Variants in KLF12 observed in about 807,000 individuals in gnomAD.
The protein encoded by KLF12 is KLF transcription factor 12.
Under a neutral mutation model 37.8 loss-of-function variants are expected in KLF12, and 9 were observed. That is an observed-to-expected ratio of 0.24 (90% CI 0.14 to 0.42). The LOEUF is 0.42. Ranked by LOEUF, KLF12 falls within the 10% of genes least tolerant of loss-of-function variation. The probability of loss-of-function intolerance (pLI) is 1.00; values close to 1 mark genes in which losing one functional copy is unlikely to be tolerated. For missense variants in KLF12, 411 were observed against 516.0 expected, an observed-to-expected ratio of 0.80 and a Z score of 1.97; for synonymous variants, 208 against 202.1, an observed-to-expected ratio of 1.03 and a Z score of -0.25.
At chr13:74,245,834 G>A in the KLF12 span, among the ~76,000 whole-genome samples, 1 of 152,092 alleles carries the variant, frequency 6.6e-6, no homozygotes, top group African/African-American at 2.4e-5. Context: ...ACTTAGTTTT[G>A]AACAGACAAA....
intron 1 of KLF12, among the ~76,000 whole-genome samples, chr13:74,021,428 C>T (rs903436327): frequency 1.3e-5 from 2 of 152,108 alleles, no homozygotes; most frequent in African/African-American, 4.8e-5. Flanking sequence ...GAAGAGGCTA[C>T]AAATAGGACA....
intron 1 of KLF12, among the ~76,000 whole-genome samples, chr13:74,031,378 G>C (rs1221332508): frequency 6.6e-6 from 1 of 152,132 alleles, no homozygotes; most frequent in Non-Finnish European, 1.5e-5. Flanking sequence ...GAGTGAAGTA[G>C]ACAAAATCAG....
chr13:74,025,547 T>C (rs891137554), intron 1 of KLF12, among the ~76,000 whole-genome samples: 1 of 151,260 alleles, frequency 6.6e-6, no homozygotes, highest in Non-Finnish European at 1.5e-5. Flanking sequence ...GTTGGACACT[T>C]TGGTTTGTTC....
chr13:73,828,740 G>C lies in KLF12; in HGVS notation c.671-15453C>G, dbSNP rs1883984962. ...GTAGAGTTCAGTAAATAAATCGTTA[G>C]CTTGGCACAGAAGGTCTGTGATAAC... On this transcript the variant is annotated intron_variant, in intron 4 of 7. Transcript: ENST00000377669. 2.6e-5 allele frequency among the ~76,000 whole-genome samples: 4 copies of C among 152,128 alleles called. No individual in the cohort carries two copies. The South Asian group carries it at 8.3e-4, about 32-fold the overall frequency.
At chr13:73,933,915 A>C (rs1814333126) in intron 3 of KLF12, among the ~76,000 whole-genome samples, 1 of 152,154 alleles carries the variant, frequency 6.6e-6, no homozygotes, top group Admixed American at 6.5e-5. Context: ...AGTGTTAACT[A>C]TATTCACAAC....
At chr13:73,882,327 C>T (rs6562790) in intron 3 of KLF12, among the ~76,000 whole-genome samples, 151,717 of 152,340 alleles carry the variant, frequency 1, 75,551 homozygotes, top group Middle Eastern at 1. Context: ...CTGATCATTT[C>T]TGACTTTCAT....
At chr13:73,835,424 T>C (rs559151047) in intron 4 of KLF12, among the ~76,000 whole-genome samples, 124 of 151,864 alleles carry the variant, frequency 8.2e-4, no homozygotes, top group Middle Eastern at 3.4e-3. Flanking sequence ...TTGGTTGATA[T>C]GAAAGAGAAA....
chr13:73,903,149 T>C (rs973549122), intron 3 of KLF12, among the ~76,000 whole-genome samples: 3 of 152,244 alleles, frequency 2.0e-5, no homozygotes, highest in Non-Finnish European at 4.4e-5. Context: ...ACAAAAGATA[T>C]CTTCTCACTT....
At chr13:73,754,832 T>C (rs1879030545) in intron 6 of KLF12, among the ~76,000 whole-genome samples, 1 of 152,160 alleles carries the variant, frequency 6.6e-6, no homozygotes, top group South Asian at 2.1e-4. Context: ...TTACATTACA[T>C]CAATGTCTAC....
intron 3 of KLF12, among the ~76,000 whole-genome samples, chr13:73,857,619 A>T (rs1885673597): frequency 6.6e-6 from 1 of 152,204 alleles, no homozygotes; most frequent in Admixed American, 6.5e-5. Context: ...TTAGACACAG[A>T]TGGCAATTTT....
intron 1 of KLF12, among the ~76,000 whole-genome samples, chr13:74,066,630 C>T (rs905048092): frequency 4.6e-5 from 7 of 152,064 alleles, no homozygotes; most frequent in African/African-American, 1.7e-4. Context: ...TGAGGAACTG[C>T]TTTTATGAGC....
intron 1 of KLF12, among the ~76,000 whole-genome samples, chr13:74,117,143 G>C (rs1877354292): frequency 6.6e-6 from 1 of 152,120 alleles, no homozygotes; most frequent in African/African-American, 2.4e-5. Context: ...AATTAGAACA[G>C]CATCTACCCT....
At chr13:73,709,916 G>A (rs1480478358) in intron 7 of KLF12, among the ~76,000 whole-genome samples, 1 of 152,026 alleles carries the variant, frequency 6.6e-6, no homozygotes, top group Non-Finnish European at 1.5e-5. Flanking sequence ...CAATTACCTG[G>A]CACAGATGAA....
intron 3 of KLF12, among the ~76,000 whole-genome samples, chr13:73,856,207 A>T (rs954496673): frequency 6.6e-6 from 1 of 152,222 alleles, no homozygotes; most frequent in Non-Finnish European, 1.5e-5. Flanking sequence ...AGGACAACTG[A>T]TGTTCCCGAA....
At chr13:73,705,721 C>G (rs147746029) in intron 7 of KLF12, among the ~76,000 whole-genome samples, 18 of 152,242 alleles carry the variant, frequency 1.2e-4, no homozygotes, top group African/African-American at 4.3e-4. Context: ...TCTAGTTATT[C>G]TTAGGCAGAA....
intron 3 of KLF12, among the ~76,000 whole-genome samples, chr13:73,899,192 C>T (rs952839342): frequency 1.4e-4 from 21 of 152,260 alleles, no homozygotes; most frequent in South Asian, 4.1e-4. Context: ...TTTAAGAGGT[C>T]CTCTAAGAAG....
At chr13:73,753,835 G>A (rs111663811) in intron 6 of KLF12, among the ~76,000 whole-genome samples, 2,010 of 152,246 alleles carry the variant, frequency 0.013, 17 homozygotes, top group South Asian at 0.035. Flanking sequence ...GAAGGGGCTC[G>A]ACTAATGCAT....
intron 5 of KLF12, among the ~76,000 whole-genome samples, chr13:73,795,811 T>C (rs1881929749): frequency 1.3e-5 from 2 of 152,232 alleles, no homozygotes; most frequent in Admixed American, 1.3e-4. Flanking sequence ...AAACTTTGGG[T>C]TTACAATTTA....
chr13:73,786,248 T>C (rs1881336186), intron 5 of KLF12, among the ~76,000 whole-genome samples: 1 of 152,094 alleles, frequency 6.6e-6, no homozygotes, highest in South Asian at 2.1e-4. Flanking sequence ...GACATTTAAC[T>C]CCCTTTCATC....
Sources: gnomAD v4.1 joint callset for allele counts (sites outside exome capture counted in the v4.1 genomes callset) on GRCh38, gnomAD v4.1.1 for gene constraint, MANE v1.5 for transcripts, NCBI Gene and HGNC (gene_info 2026-07-23, HGNC 2026-07-21) for gene names.